The following EIF3H variants were observed in gnomAD, a reference collection of about 807,000 sequenced individuals.
The protein encoded by EIF3H is eukaryotic translation initiation factor 3 subunit H, also known as eIF-3-gamma.
In EIF3H, 26 loss-of-function variants were observed where a neutral mutation model predicts 44.2. That is an observed-to-expected ratio of 0.59 (90% CI 0.43 to 0.82). The LOEUF (loss-of-function observed/expected upper bound fraction) is 0.82. Ranked by LOEUF, EIF3H falls within the 40% of genes least tolerant of loss-of-function variation. The pLI, the probability that EIF3H is intolerant of heterozygous loss-of-function variation, is 0.00. For synonymous variants in EIF3H, 166 were observed against 151.9 expected, an observed-to-expected ratio of 1.09 and a Z score of -0.68; for missense variants, 359 against 432.8, an observed-to-expected ratio of 0.83 and a Z score of 1.51.
chr8:116,699,246 T>A (rs1163318251), intron 2 of EIF3H, among the ~76,000 whole-genome samples: 2 of 152,154 alleles, frequency 1.3e-5, no homozygotes, highest in African/African-American at 4.8e-5. Context: ...CTCAACTGTA[T>A]CATATGAATT....
At chr8:116,716,375 G>A in intron 2 of EIF3H, among the ~76,000 whole-genome samples, 1 of 151,934 alleles carries the variant, frequency 6.6e-6, no homozygotes, top group East Asian at 1.9e-4. Context: ...AATGAAAAAG[G>A]CACTAAAACT....
chr8:116,682,738 T>C (rs1247526214), intron 2 of EIF3H, among the ~76,000 whole-genome samples: 1 of 152,200 alleles, frequency 6.6e-6, no homozygotes, highest in Admixed American at 6.5e-5. Flanking sequence ...GAATGTTTGG[T>C]TTATTGAGGG....
At chr8:116,756,192 T>G (rs1004533231), upstream of EIF3H, among the ~76,000 whole-genome samples, 1 of 152,242 alleles carries the variant, frequency 6.6e-6, no homozygotes, top group African/African-American at 2.4e-5. Flanking sequence ...AGAAAACTGA[T>G]AAGTGATTTG....
At chr8:116,722,070 C>T (rs1814755889) in intron 2 of EIF3H, among the ~76,000 whole-genome samples, 1 of 152,146 alleles carries the variant, frequency 6.6e-6, no homozygotes, top group Admixed American at 6.5e-5. Context: ...GGCTGTGTTG[C>T]CACCCAAATC....
chr8:116,684,384 C>T (rs1192072780), intron 2 of EIF3H, among the ~76,000 whole-genome samples: 1 of 152,152 alleles, frequency 6.6e-6, no homozygotes, highest in Non-Finnish European at 1.5e-5. Context: ...TGGATCCCCC[C>T]TAAAGTGAAG....
upstream of EIF3H, chr8:116,766,298 T>C (rs1815572854): frequency 9.4e-6 from 3 of 320,734 alleles, no homozygotes; most frequent in Non-Finnish European, 1.7e-5. Context: ...CGTAATTTTC[T>C]TTTACCGTGG....
intron 6 of EIF3H, 78 bp downstream of exon 6, chr8:116,648,728 T>C: frequency 6.9e-7 from 1 of 1,456,662 alleles, no homozygotes; most frequent in Non-Finnish European, 9.1e-7. Flanking sequence ...AAAGATAATT[T>C]AGGTCATTTT....
chr8:116,739,418 C>A (rs1338497599), intron 1 of EIF3H, among the ~76,000 whole-genome samples: 1 of 152,158 alleles, frequency 6.6e-6, no homozygotes, highest in Non-Finnish European at 1.5e-5. Context: ...TTGGAGGCCG[C>A]GGCGGGCAGA....
chr8:116,668,723 G>A (rs7833306), intron 2 of EIF3H, among the ~76,000 whole-genome samples: 7,309 of 152,112 alleles, frequency 0.048, 302 homozygotes, highest in Admixed American at 0.15. Flanking sequence ...GGAATGTGGG[G>A]GTCGTAGGGG....
chr8:116,664,547 T>C (rs1195393297), intron 2 of EIF3H, among the ~76,000 whole-genome samples: 4 of 152,230 alleles, frequency 2.6e-5, no homozygotes, highest in East Asian at 1.9e-4. Flanking sequence ...ATCTTTTTGA[T>C]TGTGTTAAGT....
chr8:116,738,458 C>T (rs1007239432), intron 1 of EIF3H, among the ~76,000 whole-genome samples: 2 of 152,182 alleles, frequency 1.3e-5, no homozygotes, highest in Non-Finnish European at 2.9e-5. Flanking sequence ...TATCACTGCA[C>T]ACATATATAC....
intron 2 of EIF3H, among the ~76,000 whole-genome samples, chr8:116,716,682 T>A: frequency 6.6e-6 from 1 of 152,122 alleles, no homozygotes; most frequent in Non-Finnish European, 1.5e-5. Flanking sequence ...AGGACCCATA[T>A]GGTCTCAGCC....
intron 1 of EIF3H, among the ~76,000 whole-genome samples, chr8:116,738,652 T>A (rs779044885): frequency 8.5e-5 from 13 of 152,248 alleles, no homozygotes; most frequent in Non-Finnish European, 1.2e-4. Flanking sequence ...TTTCCCATCA[T>A]CTTTGTAACA....
chr8:116,719,441 T>G (rs150640024), intron 2 of EIF3H, among the ~76,000 whole-genome samples: 2 of 152,014 alleles, frequency 1.3e-5, no homozygotes, highest in Non-Finnish European at 2.9e-5. Flanking sequence ...GTGGAAAGGA[T>G]AGAAGTAGGG....
chr8:116,674,887 A>G (rs914980931), intron 2 of EIF3H, among the ~76,000 whole-genome samples: 1 of 151,992 alleles, frequency 6.6e-6, no homozygotes, highest in Non-Finnish European at 1.5e-5. Flanking sequence ...GGTGCAAAAA[A>G]AGTTGTTTTT....
At chr8:116,676,429 A>G (rs76364250) in intron 2 of EIF3H, among the ~76,000 whole-genome samples, 1,813 of 152,282 alleles carry the variant, frequency 0.012, 38 homozygotes, top group African/African-American at 0.041. Flanking sequence ...TCTTCACAAG[A>G]TGGCAGGATG....
intron 2 of EIF3H, among the ~76,000 whole-genome samples, chr8:116,663,917 C>T (rs965375680): frequency 1.0e-4 from 13 of 128,214 alleles, no homozygotes; most frequent in Non-Finnish European, 1.7e-4. Flanking sequence ...GGAGACAGAG[C>T]GAGACTCAGT....
At chr8:116,746,131 T>C (rs1815230600) in intron 1 of EIF3H, among the ~76,000 whole-genome samples, 1 of 152,206 alleles carries the variant, frequency 6.6e-6, no homozygotes, top group South Asian at 2.1e-4. Context: ...CTAAATTGAC[T>C]TCTTATAGCT....
intron 2 of EIF3H, among the ~76,000 whole-genome samples, chr8:116,722,018 G>T (rs1003960925): frequency 1.3e-5 from 2 of 152,180 alleles, no homozygotes; most frequent in African/African-American, 4.8e-5. Context: ...GAAATGTGGG[G>T]ACATGAGATT....
Sources: gnomAD v4.1 joint callset for allele counts (sites outside exome capture counted in the v4.1 genomes callset) on GRCh38, gnomAD v4.1.1 for gene constraint, MANE v1.5 for transcripts, NCBI Gene and HGNC (gene_info 2026-07-23, HGNC 2026-07-21) for gene names.